Variants in IGF2BP2 observed in about 807,000 individuals in gnomAD.
The protein encoded by IGF2BP2 is insulin-like growth factor 2 mRNA-binding protein 2.
IGF2BP2 carries 17 observed loss-of-function variants against 75.8 expected under a neutral mutation model. The ratio of observed to expected loss-of-function variants is 0.22; its 90% CI spans 0.15 to 0.34. The LOEUF is 0.34. IGF2BP2 is among the 10% of genes least tolerant of loss of function. The pLI is 1.00. For missense variants in IGF2BP2, 516 were observed against 772.4 expected, an observed-to-expected ratio of 0.67 and a Z score of 3.93; for synonymous variants, 288 against 295.6, an observed-to-expected ratio of 0.97 and a Z score of 0.26.
At chr3:185,723,223 A>G (rs1307657735) in intron 2 of IGF2BP2, among the ~76,000 whole-genome samples, 1 of 152,212 alleles carries the variant, frequency 6.6e-6, no homozygotes, top group Admixed American at 6.5e-5. Context: ...AAATTACGCA[A>G]ACAGCTAAGT....
At chr3:185,786,126 C>A (rs534794184) in intron 2 of IGF2BP2, among the ~76,000 whole-genome samples, 41 of 151,902 alleles carry the variant, frequency 2.7e-4, no homozygotes, top group Non-Finnish European at 4.7e-4. Context: ...ACTACCCCCG[C>A]CAAGAAATTT....
intron 2 of IGF2BP2, among the ~76,000 whole-genome samples, chr3:185,801,654 C>G (rs556435025): frequency 6.6e-6 from 1 of 152,226 alleles, no homozygotes; most frequent in African/African-American, 2.4e-5. Flanking sequence ...TTTGACCCAG[C>G]AATCCCATTA....
chr3:185,726,160 G>A (rs1028867834), intron 2 of IGF2BP2, among the ~76,000 whole-genome samples: 7 of 152,062 alleles, frequency 4.6e-5, no homozygotes, highest in Non-Finnish European at 7.4e-5. Context: ...GGAAAGGTGC[G>A]ATCATCATTA....
At chr3:185,774,199 C>A (rs577911220) in intron 2 of IGF2BP2, among the ~76,000 whole-genome samples, 2 of 152,106 alleles carry the variant, frequency 1.3e-5, no homozygotes, top group Admixed American at 1.3e-4. Flanking sequence ...CACAAGCAAG[C>A]AGGAGGGAGA....
chr3:185,692,392 C>CA (rs1722062722), intron 5 of IGF2BP2, among the ~76,000 whole-genome samples: 1 of 152,220 alleles, frequency 6.6e-6, no homozygotes, highest in Non-Finnish European at 1.5e-5. Context: ...TGTCAAGACA[C>CA]AGCTCCCATC....
intron 4 of IGF2BP2, among the ~76,000 whole-genome samples, chr3:185,695,221 T>A (rs1722429226): frequency 6.6e-6 from 1 of 152,214 alleles, no homozygotes; most frequent in Admixed American, 6.5e-5. Flanking sequence ...CAGCATAAAC[T>A]GAATAATATC....
At chr3:185,665,021 C>G (rs1479444288) in intron 10 of IGF2BP2, among the ~76,000 whole-genome samples, 1 of 151,798 alleles carries the variant, frequency 6.6e-6, no homozygotes, top group African/African-American at 2.4e-5. Context: ...GAAAAACAGA[C>G]AGGCGTGTTG....
chr3:185,681,148 A>C (rs1720327055), intron 7 of IGF2BP2, among the ~76,000 whole-genome samples: 1 of 152,192 alleles, frequency 6.6e-6, no homozygotes, highest in East Asian at 1.9e-4. Context: ...AAAGACATAA[A>C]ATGATCTCTA....
intron 9 of IGF2BP2, 27 bp from the exon 10 acceptor site, chr3:185,672,696 T>C: frequency 6.2e-7 from 1 of 1,613,758 alleles, no homozygotes; most frequent in Non-Finnish European, 8.5e-7. Context: ...AGAAAAAAGA[T>C]GAAGGGAGGA....
intron 10 of IGF2BP2, among the ~76,000 whole-genome samples, chr3:185,666,546 C>T (rs771988867): frequency 2.6e-4 from 39 of 152,092 alleles, no homozygotes; most frequent in Non-Finnish European, 5.3e-4. Context: ...AGGAGAATTA[C>T]TTGAACCCGG....
intron 2 of IGF2BP2, among the ~76,000 whole-genome samples, chr3:185,801,335 C>T (rs1360172829): frequency 2.6e-5 from 4 of 151,788 alleles, no homozygotes; most frequent in Non-Finnish European, 5.9e-5. Flanking sequence ...ACTAAAAATA[C>T]AAAATTAGCC....
intron 2 of IGF2BP2, among the ~76,000 whole-genome samples, chr3:185,772,199 A>G (rs1038568995): frequency 6.6e-6 from 1 of 152,184 alleles, no homozygotes; most frequent in African/African-American, 2.4e-5. Context: ...TGCCTAGAAT[A>G]ATGCCTGGCC....
chr3:185,813,979 C>CA (rs1395396648), intron 2 of IGF2BP2: 1 of 152,252 alleles, frequency 6.6e-6, no homozygotes, highest in East Asian at 1.9e-4. Flanking sequence ...ACCACATACT[C>CA]AGAGTTTTTA....
Position 185,645,634 on chromosome 3 carries a change from G to C in IGF2BP2, c.1708-11C>G, listed in dbSNP as rs768692416. 8 of 1,606,722 alleles carry C rather than the reference G, an allele frequency of 5.0e-6. No individual in the cohort carries two copies. Among genetic ancestry groups the C allele is most frequent in the South Asian group, 3.3e-5 (3 of 90,914 alleles). Reference sequence around the variant, plus strand: ...CTTGCGCTGTGCAGTCTGCAGCAAGGGAGAGAAGGGAGAGGAAGGGACAGG... The same window carrying C: ...CTTGCGCTGTGCAGTCTGCAGCAAGCGAGAGAAGGGAGAGGAAGGGACAGG... On this transcript the variant is annotated splice_polypyrimidine_tract_variant and intron_variant, in intron 15 of 15. Coordinates refer to ENST00000382199, the MANE Select transcript of IGF2BP2 (RefSeq NM_006548.6). The surrounding 1 kb of genome is among the most constrained non-coding windows in gnomAD (Gnocchi z 4.9).
intron 2 of IGF2BP2, among the ~76,000 whole-genome samples, chr3:185,804,138 T>G (rs1179197099): frequency 1.3e-5 from 2 of 151,356 alleles, no homozygotes; most frequent in Non-Finnish European, 2.9e-5. Flanking sequence ...GTGCCTGTAA[T>G]CCCAGCTACT....
At chr3:185,722,139 G>A (rs538676843) in intron 2 of IGF2BP2, 34 of 338,526 alleles carry the variant, frequency 1.0e-4, no homozygotes, top group African/African-American at 6.8e-4. Context: ...TCACTATGTT[G>A]CCCAGGCTGG....
intron 2 of IGF2BP2, among the ~76,000 whole-genome samples, chr3:185,816,767 G>A (rs1740666155): frequency 6.6e-6 from 1 of 152,188 alleles, no homozygotes. Flanking sequence ...GGCTGGAACA[G>A]CATCAGTACT....
chr3:185,665,022 A>G (rs2149149636), intron 10 of IGF2BP2, among the ~76,000 whole-genome samples: 1 of 152,068 alleles, frequency 6.6e-6, no homozygotes, highest in East Asian at 1.9e-4. Context: ...AAAAACAGAC[A>G]GGCGTGTTGG....
At chr3:185,715,609 G>C (rs1050260836) in intron 2 of IGF2BP2, among the ~76,000 whole-genome samples, 6 of 152,138 alleles carry the variant, frequency 3.9e-5, no homozygotes, top group Non-Finnish European at 8.8e-5. Flanking sequence ...CATCAGGACA[G>C]TCTTCTGATG....
Sources: allele counts gnomAD v4.1 joint callset (sites outside exome capture counted in the v4.1 genomes callset), GRCh38; gene constraint gnomAD v4.1.1; non-coding constraint Gnocchi (gnomAD v3.1); transcripts MANE v1.5; gene names NCBI Gene and HGNC (gene_info 2026-07-23, HGNC 2026-07-21).